Variants in SPTLC3 observed in about 807,000 individuals in gnomAD.
SPTLC3 encodes serine palmitoyltransferase 3.
Under a neutral mutation model 59.3 loss-of-function variants are expected in SPTLC3, and 36 were observed. That is an observed-to-expected ratio of 0.61 (90% CI 0.47 to 0.80). SPTLC3 has a LOEUF of 0.80. SPTLC3 is among the 30% of genes least tolerant of loss of function. The probability of loss-of-function intolerance (pLI) is 0.00; values close to 1 mark genes in which losing one functional copy is unlikely to be tolerated. For missense variants in SPTLC3, 625 were observed against 685.1 expected, an observed-to-expected ratio of 0.91 and a Z score of 0.98; for synonymous variants, 257 against 240.8, an observed-to-expected ratio of 1.07 and a Z score of -0.62.
chr20:13,105,355 TC>T (rs1989828332), intron 6 of SPTLC3, among the ~76,000 whole-genome samples: 1 of 152,134 alleles, frequency 6.6e-6, no homozygotes, highest in Non-Finnish European at 1.5e-5. Context: ...CAAAAGCCAC[TC>T]CCATGGCTAT....
chr20:13,095,723 C>T (rs569141143), intron 6 of SPTLC3, among the ~76,000 whole-genome samples: 1 of 152,120 alleles, frequency 6.6e-6, no homozygotes, highest in East Asian at 1.9e-4. Flanking sequence ...ATTTTTTGAA[C>T]CTCCTTTAAT....
intron 1 of SPTLC3, among the ~76,000 whole-genome samples, chr20:13,030,335 A>G (rs183866216): frequency 1.4e-3 from 213 of 152,308 alleles, no homozygotes; most frequent in Non-Finnish European, 2.1e-3. Context: ...GACTCATCAA[A>G]TTTTCTTCCA....
intron 4 of SPTLC3, among the ~76,000 whole-genome samples, chr20:13,080,040 G>A (rs1343628406): frequency 1.3e-5 from 2 of 152,150 alleles, no homozygotes; most frequent in Non-Finnish European, 2.9e-5. Flanking sequence ...TTAAACTTCT[G>A]TACATAGAAA....
chr20:13,101,552 C>T (rs941144147), intron 6 of SPTLC3, among the ~76,000 whole-genome samples: 1 of 152,206 alleles, frequency 6.6e-6, no homozygotes, highest in African/African-American at 2.4e-5. Flanking sequence ...ATAGCCAACC[C>T]TCAGGCTGCC....
intron 1 of SPTLC3, among the ~76,000 whole-genome samples, chr20:13,034,093 C>G (rs1212365911): frequency 1.3e-5 from 2 of 152,110 alleles, no homozygotes; most frequent in Admixed American, 1.3e-4. Flanking sequence ...AGAGATCAGG[C>G]AGATTATTGT....
At chr20:13,090,226 G>A (rs538374020) in intron 4 of SPTLC3, among the ~76,000 whole-genome samples, 2 of 152,282 alleles carry the variant, frequency 1.3e-5, no homozygotes, top group Non-Finnish European at 2.9e-5. Context: ...ACTAAACTTT[G>A]GAGTTAAACT....
At chr20:13,061,042 C>T (rs568640927) in intron 2 of SPTLC3, among the ~76,000 whole-genome samples, 1 of 152,230 alleles carries the variant, frequency 6.6e-6, no homozygotes, top group East Asian at 1.9e-4. Flanking sequence ...TACTGTTTTC[C>T]ATAGAAGTTG....
intron 10 of SPTLC3, among the ~76,000 whole-genome samples, chr20:13,159,671 ATAT>A (rs1418152515): frequency 1.3e-5 from 2 of 152,178 alleles, no homozygotes; most frequent in Non-Finnish European, 2.9e-5. Flanking sequence ...GATGGATTTT[ATAT>A]CACTGCAGAT....
chr20:13,099,887 G>T (rs1989544168), intron 6 of SPTLC3, among the ~76,000 whole-genome samples: 1 of 152,174 alleles, frequency 6.6e-6, no homozygotes, highest in African/African-American at 2.4e-5. Flanking sequence ...AACCAGTCCA[G>T]ATAGAAGCTA....
chr20:13,157,434 T>G (rs367681389), intron 10 of SPTLC3, among the ~76,000 whole-genome samples: 4 of 151,928 alleles, frequency 2.6e-5, no homozygotes, highest in South Asian at 4.2e-4. Context: ...TGAAACTCCA[T>G]GTCAAAAAAA....
chr20:13,127,612 T>C (rs1356735155), intron 9 of SPTLC3, among the ~76,000 whole-genome samples: 1 of 152,174 alleles, frequency 6.6e-6, no homozygotes, highest in Non-Finnish European at 1.5e-5. Flanking sequence ...GCCTACTATA[T>C]AAAACAGATA....
At chr20:13,091,920 A>G (rs957278465) in intron 5 of SPTLC3, among the ~76,000 whole-genome samples, 2 of 152,216 alleles carry the variant, frequency 1.3e-5, no homozygotes, top group East Asian at 3.9e-4. Flanking sequence ...CATATAAGGG[A>G]AGATACAAGA....
At chr20:13,146,131 T>G (rs959689284) in intron 9 of SPTLC3, among the ~76,000 whole-genome samples, 3 of 152,162 alleles carry the variant, frequency 2.0e-5, no homozygotes, top group African/African-American at 7.2e-5. Context: ...TGCAGGAACA[T>G]GGATGGAGCT....
Position 13,093,486 on chromosome 20 carries a change from A to G in SPTLC3, c.735A>G (p.Gly245=), listed in dbSNP as rs767091294. The change falls in exon 6 of 12, where the codon GGA becomes GGG. Residue 245 remains glycine (G), a splice_region_variant and synonymous_variant. Coordinates refer to ENST00000399002, the MANE Select transcript of SPTLC3 (RefSeq NM_018327.4). ...SMNIPALVGK[G]CLILSDELNH... is the part of the protein sequence containing the mutation. ...TTGTGTGCTTGTTTTCTGCACAGGG[A>G]TGCCTCATTTTAAGTGATGAGTTAA... is the stretch of plus-strand genomic sequence containing the variant. 10 of 1,612,942 alleles carry G rather than the reference A, an allele frequency of 6.2e-6. No homozygotes were observed. Among genetic ancestry groups the G allele is most frequent in the Admixed American group, 1.7e-5 (1 of 59,932 alleles).
chr20:13,152,509 TG>T (rs2038672004), intron 9 of SPTLC3, among the ~76,000 whole-genome samples: 1 of 152,216 alleles, frequency 6.6e-6, no homozygotes, highest in African/African-American at 2.4e-5. Flanking sequence ...CTCAGTGTCC[TG>T]CGCAGTGGCT....
chr20:13,155,050 G>A (rs1195776381), intron 10 of SPTLC3, among the ~76,000 whole-genome samples: 1 of 151,944 alleles, frequency 6.6e-6, no homozygotes, highest in Non-Finnish European at 1.5e-5. Context: ...GCATGGTGGT[G>A]CATGCCTGTA....
intron 6 of SPTLC3, among the ~76,000 whole-genome samples, chr20:13,099,651 G>C (rs1174784940): frequency 1.3e-5 from 2 of 152,204 alleles, no homozygotes; most frequent in African/African-American, 4.8e-5. Context: ...TTCTTGAGAG[G>C]TGAGGGAAGC....
chr20:13,061,226 G>A (rs74852724), intron 2 of SPTLC3, among the ~76,000 whole-genome samples: 1 of 152,242 alleles, frequency 6.6e-6, no homozygotes, highest in African/African-American at 2.4e-5. Context: ...ACCTTGTTTT[G>A]TCTTCGAAGC....
At chr20:13,065,281 TC>T (rs1436489511) in intron 2 of SPTLC3, among the ~76,000 whole-genome samples, 3 of 146,644 alleles carry the variant, frequency 2.0e-5, no homozygotes, top group African/African-American at 2.5e-5. Flanking sequence ...TTTTTTTTTT[TC>T]TAAAGTGTTT....
Sources: gnomAD v4.1 joint callset for allele counts (sites outside exome capture counted in the v4.1 genomes callset) on GRCh38, gnomAD v4.1.1 for gene constraint, MANE v1.5 for transcripts, NCBI Gene and HGNC (gene_info 2026-07-23, HGNC 2026-07-21) for gene names.